Variants in PCCA observed in about 807,000 individuals in gnomAD.
The protein encoded by PCCA is propionyl-CoA carboxylase alpha chain, mitochondrial.
A neutral mutation model predicts 101.3 loss-of-function variants in PCCA; 74 were observed. The ratio of observed to expected loss-of-function variants is 0.73; its 90% CI spans 0.61 to 0.89. The LOEUF is 0.89. Ranked by LOEUF, PCCA falls within the 40% of genes least tolerant of loss-of-function variation. The pLI is 0.00. For missense variants in PCCA, 891 were observed against 907.0 expected, an observed-to-expected ratio of 0.98 and a Z score of 0.23; for synonymous variants, 294 against 313.6, an observed-to-expected ratio of 0.94 and a Z score of 0.66.
intron 8 of PCCA, among the ~76,000 whole-genome samples, chr13:100,250,312 T>G (rs1320735894): frequency 6.6e-6 from 1 of 152,150 alleles, no homozygotes; most frequent in Non-Finnish European, 1.5e-5. Context: ...TCTATTTATA[T>G]GATCATAGGA....
chr13:100,527,140 C>T (rs1472383326), intron 22 of PCCA, among the ~76,000 whole-genome samples: 1 of 151,326 alleles, frequency 6.6e-6, no homozygotes, highest in Non-Finnish European at 1.5e-5. Flanking sequence ...AGATGTAATT[C>T]ACATACAATT....
At chr13:100,457,657 G>A (rs960037427) in intron 21 of PCCA, among the ~76,000 whole-genome samples, 5 of 152,200 alleles carry the variant, frequency 3.3e-5, no homozygotes, top group African/African-American at 7.2e-5. Context: ...CTTTGATCTG[G>A]AGGGAGACAC....
chr13:100,125,321 A>G (rs2049854203), intron 4 of PCCA, among the ~76,000 whole-genome samples: 2 of 152,158 alleles, frequency 1.3e-5, no homozygotes, highest in Admixed American at 1.3e-4. Context: ...AATCTATAGG[A>G]TTCTTAATTT....
intron 20 of PCCA, among the ~76,000 whole-genome samples, chr13:100,444,601 C>T (rs1443397284): frequency 6.6e-6 from 1 of 151,992 alleles, no homozygotes; most frequent in African/African-American, 2.4e-5. Context: ...CGCCACCATG[C>T]CCAGCTAATT....
At chr13:100,526,729 G>A (rs1001317580) in intron 22 of PCCA, among the ~76,000 whole-genome samples, 24 of 152,260 alleles carry the variant, frequency 1.6e-4, no homozygotes, top group African/African-American at 4.6e-4. Flanking sequence ...GGCTCAGGAC[G>A]CTGACCCATC....
chr13:100,215,616 T>C (rs1169335526), intron 7 of PCCA, among the ~76,000 whole-genome samples: 1 of 152,042 alleles, frequency 6.6e-6, no homozygotes, highest in African/African-American at 2.4e-5. Flanking sequence ...TCCTTCTGTA[T>C]ACTTTATTTT....
At chr13:100,455,654 AT>A (rs1394390117) in intron 21 of PCCA, among the ~76,000 whole-genome samples, 1 of 151,974 alleles carries the variant, frequency 6.6e-6, no homozygotes, top group Non-Finnish European at 1.5e-5. Flanking sequence ...TACCCGAAGC[AT>A]TTTGGTACGT....
At chr13:100,293,893 A>C (rs2065318490) in intron 12 of PCCA, among the ~76,000 whole-genome samples, 3 of 152,222 alleles carry the variant, frequency 2.0e-5, no homozygotes, top group Admixed American at 2.0e-4. Flanking sequence ...TTTGTTTTAA[A>C]GCATATTGTA....
At position 100,235,864 on chromosome 13, in the gene PCCA, T is replaced by G. The variant is rs1242996664; in HGVS notation, c.623T>G (p.Ile208Ser). ...VVKDAEEAVR[I>S]AREIGYPVMI... is the part of the protein sequence containing the mutation. ...CAGGATGCAGAAGAAGCTGTCAGAA[T>G]TGCAAGGGAAATTGGTAAGTCCTTA... is the stretch of plus-strand genomic sequence containing the variant. The change falls in exon 8 of 24, where the codon ATT (isoleucine) becomes AGT (serine). Residue 208 changes from isoleucine (I) to serine (S), a missense_variant. Physicochemically the swap from Ile to Ser is moderately radical, Grantham distance 142. Transcript: ENST00000376285. 3 of 1,607,400 alleles carry G rather than the reference T, an allele frequency of 1.9e-6. No homozygotes were observed. In the Admixed American group the frequency reaches 5.0e-5, roughly 27 times the overall value.
intron 6 of PCCA, among the ~76,000 whole-genome samples, chr13:100,169,458 C>G (rs1287245693): frequency 6.6e-6 from 1 of 150,434 alleles, no homozygotes; most frequent in African/African-American, 2.4e-5. Flanking sequence ...AAAAAAAATC[C>G]CTTGATTTAT....
chr13:100,337,897 A>G (rs1035118640), intron 17 of PCCA, among the ~76,000 whole-genome samples: 7 of 152,236 alleles, frequency 4.6e-5, no homozygotes, highest in African/African-American at 7.2e-5. Flanking sequence ...TGCACATATA[A>G]ACACACACAA....
chr13:100,196,064 A>G (rs2058086174), intron 6 of PCCA, among the ~76,000 whole-genome samples: 1 of 152,218 alleles, frequency 6.6e-6, no homozygotes, highest in Non-Finnish European at 1.5e-5. Context: ...TTCCAAAATT[A>G]ATAACGAACA....
intron 22 of PCCA, among the ~76,000 whole-genome samples, chr13:100,526,148 A>G (rs2087787893): frequency 6.6e-6 from 1 of 152,152 alleles, no homozygotes; most frequent in Non-Finnish European, 1.5e-5. Flanking sequence ...GAAGAGAGAA[A>G]AAAGGCTGTA....
intron 12 of PCCA, among the ~76,000 whole-genome samples, chr13:100,276,833 T>C (rs1423059226): frequency 6.6e-6 from 1 of 152,220 alleles, no homozygotes; most frequent in Non-Finnish European, 1.5e-5. Context: ...AATTAACTTA[T>C]TTGTTTTGTA....
At chr13:100,282,558 G>C (rs1248479049) in intron 12 of PCCA, among the ~76,000 whole-genome samples, 1 of 152,206 alleles carries the variant, frequency 6.6e-6, no homozygotes, top group Non-Finnish European at 1.5e-5. Context: ...GCAATGAGGG[G>C]CTTAGCACCC....
chr13:100,448,037 C>T (rs2080964208), intron 20 of PCCA, among the ~76,000 whole-genome samples: 2 of 152,132 alleles, frequency 1.3e-5, no homozygotes, highest in Admixed American at 1.3e-4. Context: ...CACTAATACT[C>T]TACATCTGGG....
intron 4 of PCCA, chr13:100,149,373 A>G (rs1160986339): frequency 6.6e-6 from 1 of 152,014 alleles, no homozygotes; most frequent in Non-Finnish European, 1.5e-5. Flanking sequence ...GTACATTCAC[A>G]TTGTTGTGCA....
rs372664291 is a variant in PCCA at position 100,350,658 on chromosome 13, T to G, written c.1643+10399T>G. On this transcript the variant is annotated intron_variant, in intron 18 of 23. Transcript: ENST00000376285. ...ACATTGTAAAATATTTTTATTTTGA[T>G]CCTACTATAAGAGCTGAGGGAAAGG... Among the ~76,000 whole-genome samples, 6 of 152,236 alleles carry G rather than the reference T, an allele frequency of 3.9e-5. No homozygotes were observed. The East Asian group carries it at 1.2e-3, about 29-fold the overall frequency.
intron 21 of PCCA, among the ~76,000 whole-genome samples, chr13:100,451,629 CCT>C (rs1289801937): frequency 6.6e-6 from 1 of 151,800 alleles, no homozygotes; most frequent in African/African-American, 2.4e-5. Context: ...CTCAGTTTTT[CCT>C]CTCTCTGAAA....
Sources: allele counts gnomAD v4.1 joint callset (sites outside exome capture counted in the v4.1 genomes callset), GRCh38; gene constraint gnomAD v4.1.1; transcripts MANE v1.5; gene names NCBI Gene and HGNC (gene_info 2026-07-23, HGNC 2026-07-21).